Variants in PCDH15 observed in about 807,000 individuals in gnomAD.
PCDH15 encodes protocadherin-15.
In PCDH15, 129 loss-of-function variants were observed where a neutral mutation model predicts 178.5. The ratio of observed to expected loss-of-function variants is 0.72; its 90% confidence interval spans 0.63 to 0.84. The LOEUF is 0.84. Ranked by LOEUF, PCDH15 falls within the 40% of genes least tolerant of loss-of-function variation. PCDH15 has a pLI of 0.00. For missense variants in PCDH15, 2,230 were observed against 2,099.9 expected, an observed-to-expected ratio of 1.06 and a Z score of -1.21; for synonymous variants, 800 against 732.0, an observed-to-expected ratio of 1.09 and a Z score of -1.50.
chr10:54,218,125 G>C (rs75819828), intron 9 of PCDH15, among the ~76,000 whole-genome samples: 4,945 of 152,130 alleles, frequency 0.033, 120 homozygotes, highest in Middle Eastern at 0.071. Flanking sequence ...TTCCATATGA[G>C]CTTAACATGG....
At chr10:54,732,896 A>G (rs933600843) in intron 1 of PCDH15, among the ~76,000 whole-genome samples, 1 of 151,580 alleles carries the variant, frequency 6.6e-6, no homozygotes, top group African/African-American at 2.4e-5. Context: ...AATTGAGTCT[A>G]CATAATTCTT....
At chr10:54,316,359 C>T (rs903582968) in intron 8 of PCDH15, among the ~76,000 whole-genome samples, 3 of 152,090 alleles carry the variant, frequency 2.0e-5, no homozygotes, top group Admixed American at 6.6e-5. Flanking sequence ...CTCAGAACTT[C>T]AGTTCTCATG....
intron 8 of PCDH15, among the ~76,000 whole-genome samples, chr10:54,287,455 T>C (rs2059101581): frequency 6.6e-6 from 1 of 152,200 alleles, no homozygotes; most frequent in African/African-American, 2.4e-5. Context: ...CAAAACTGAA[T>C]TCCAGTACCT....
chr10:54,462,510 TTC>T (rs1554983584), intron 3 of PCDH15, among the ~76,000 whole-genome samples: 68 of 108,898 alleles, frequency 6.2e-4, no homozygotes, highest in African/African-American at 1.6e-3. Context: ...TCTTTTTCTT[TTC>T]TTTTTTTTTT....
intron 1 of PCDH15, among the ~76,000 whole-genome samples, chr10:54,740,420 T>G (rs1944631935): frequency 6.6e-6 from 1 of 151,884 alleles, no homozygotes; most frequent in Non-Finnish European, 1.5e-5. Flanking sequence ...TCCTACATTC[T>G]TGGTGGGAAT....
chr10:54,326,185 C>A (rs977020422), intron 7 of PCDH15, among the ~76,000 whole-genome samples: 1 of 152,042 alleles, frequency 6.6e-6, no homozygotes, highest in African/African-American at 2.4e-5. Context: ...CCACAATTGG[C>A]CCTCAAGCAA....
intron 1 of PCDH15, among the ~76,000 whole-genome samples, chr10:54,748,026 C>T (rs1287001540): frequency 1.3e-5 from 2 of 151,976 alleles, no homozygotes; most frequent in Admixed American, 6.5e-5. Flanking sequence ...AGGTTGGTCT[C>T]GATCTCCTGA....
rs542871305 is a variant in PCDH15, at chr10:54,327,265, A to G, written c.705+2331T>C. On this transcript the variant is annotated intron_variant, in intron 7 of 37. Coordinates refer to ENST00000644397, the MANE Select transcript of PCDH15 (RefSeq NM_001384140.1). ...AAAAGACATTCTACCTTTTCTTCAC[A>G]TCTTCAGTTAAATAGAAAAAAGAAT... Among the ~76,000 whole-genome samples the G allele has an allele frequency of 5.3e-5, 8 of 151,998 alleles. No homozygotes were observed. In the East Asian group the frequency reaches 1.4e-3, roughly 26 times the overall value.
At chr10:55,038,232 T>G (rs1840783636) in intron 2 of PCDH15, among the ~76,000 whole-genome samples, 1 of 152,228 alleles carries the variant, frequency 6.6e-6, no homozygotes. Context: ...CATGTGAGTA[T>G]AGTCTTCTTT....
intron 23 of PCDH15, among the ~76,000 whole-genome samples, chr10:53,948,461 C>A (rs1167998630): frequency 6.6e-6 from 1 of 151,970 alleles, no homozygotes; most frequent in Non-Finnish European, 1.5e-5. Context: ...TATTTTTGTG[C>A]ATGTGATTTT....
chr10:55,375,031 T>C (rs2131993899), intron 2 of PCDH15, among the ~76,000 whole-genome samples: 1 of 152,268 alleles, frequency 6.6e-6, no homozygotes, highest in Non-Finnish European at 1.5e-5. Context: ...CATCCAGAGT[T>C]TGTTACACAG....
intron 15 of PCDH15, among the ~76,000 whole-genome samples, chr10:54,093,538 AT>A (rs987915806): frequency 6.6e-6 from 1 of 152,178 alleles, no homozygotes; most frequent in African/African-American, 2.4e-5. Flanking sequence ...CAACAGAAGC[AT>A]TTACCCTTCA....
intron 11 of PCDH15, among the ~76,000 whole-genome samples, chr10:54,188,478 C>T (rs887077365): frequency 5.3e-5 from 8 of 151,556 alleles, no homozygotes; most frequent in Non-Finnish European, 1.0e-4. Context: ...GATTAAAAAC[C>T]GTTAATTTTC....
At chr10:55,195,681 G>C (rs980808826) in intron 1 of PCDH15, among the ~76,000 whole-genome samples, 8 of 148,914 alleles carry the variant, frequency 5.4e-5, no homozygotes, top group Non-Finnish European at 1.2e-4. Context: ...AAGTAGTAAA[G>C]GAGACATGCG....
chr10:55,321,089 A>C (rs1843886409), upstream of PCDH15, among the ~76,000 whole-genome samples: 1 of 152,230 alleles, frequency 6.6e-6, no homozygotes, highest in East Asian at 1.9e-4. Flanking sequence ...ATTGAAAAGA[A>C]AGAAGGAAGG....
chr10:55,627,640 AG>A (rs1479651697), exon 2 of PCDH15: 5 of 152,210 alleles, frequency 3.3e-5, no homozygotes, highest in African/African-American at 1.2e-4. Context: ...GGCTCCAGTA[AG>A]CAACCGCTGG....
At position 53,854,742 on chromosome 10, in the gene PCDH15, T is replaced by G. The variant is rs142553040; in HGVS notation, c.3806+2433A>C. Among the ~76,000 whole-genome samples, 700 of 152,228 alleles carry G rather than the reference T, an allele frequency of 4.6e-3. 10 individuals are homozygous for G. The highest frequency in any genetic ancestry group is 0.015 in the African/African-American group (644 of 41,576). On this transcript the variant is annotated intron_variant, in intron 28 of 37. Transcript: ENST00000644397. Reference sequence around the variant, plus strand: ...TATGGAATATTTACCATTCACCGAATAGTCATACTTTCTATTGTCCTAGAT... The same window carrying G: ...TATGGAATATTTACCATTCACCGAAGAGTCATACTTTCTATTGTCCTAGAT...
chr10:55,304,369 A>G (rs1258048213), intron 1 of PCDH15, among the ~76,000 whole-genome samples: 1 of 152,166 alleles, frequency 6.6e-6, no homozygotes, highest in Non-Finnish European at 1.5e-5. Flanking sequence ...AAACCTAAGT[A>G]TATCACTGCA....
chr10:55,544,149 TATATATATATATATATATATATA>T (rs1841827247), intron 2 of PCDH15, among the ~76,000 whole-genome samples: 1 of 119,930 alleles, frequency 8.3e-6, no homozygotes, highest in Non-Finnish European at 1.8e-5. Context: ...CATATATATA[TATATATATATATATATATATATA>T]TATTATACTG....
Sources: gnomAD v4.1 joint callset for allele counts (sites outside exome capture counted in the v4.1 genomes callset) on GRCh38, gnomAD v4.1.1 for gene constraint, MANE v1.5 for transcripts, NCBI Gene and HGNC (gene_info 2026-07-23, HGNC 2026-07-21) for gene names.